The following NCOA1 variants were observed in gnomAD, a reference collection of about 807,000 sequenced individuals.
NCOA1 encodes Hin-2 protein.
NCOA1 carries 35 observed loss-of-function variants against 150.9 expected under a neutral mutation model. That is an observed-to-expected ratio of 0.23 (90% confidence interval 0.18 to 0.31). NCOA1 has a LOEUF of 0.31. Ranked by LOEUF, NCOA1 falls within the 10% of genes least tolerant of loss-of-function variation. The probability of loss-of-function intolerance (pLI) is 1.00; values close to 1 mark genes in which losing one functional copy is unlikely to be tolerated. For missense variants in NCOA1, 1,491 were observed against 1,749.3 expected (o/e 0.85, Z 2.63); for synonymous variants, 590 against 630.0 (o/e 0.94, Z 0.95).
chr2:24,645,450 C>T (rs2148465927), intron 4 of NCOA1, among the ~76,000 whole-genome samples: 1 of 146,132 alleles, frequency 6.8e-6, no homozygotes, highest in East Asian at 2.0e-4. Flanking sequence ...GCGGAGCTTG[C>T]AGTGAGCAGA....
chr2:24,631,248 T>A (rs1200345802), intron 3 of NCOA1, among the ~76,000 whole-genome samples: 2 of 152,226 alleles, frequency 1.3e-5, no homozygotes, highest in Non-Finnish European at 2.9e-5. Context: ...TTATTTATAA[T>A]GACTCACTAC....
chr2:24,709,511 T>C (rs1190073640), intron 13 of NCOA1, among the ~76,000 whole-genome samples: 1 of 152,226 alleles, frequency 6.6e-6, no homozygotes, highest in Non-Finnish European at 1.5e-5. Context: ...TTAATGTGTT[T>C]TTATTTTGCT....
chr2:24,673,364 A>C lies in NCOA1; in HGVS notation c.257-2A>C. The C allele has an allele frequency of 1.9e-6, 3 of 1,548,430 alleles. No homozygotes were observed. The highest frequency in any genetic ancestry group is 2.4e-5 in the East Asian group (1 of 42,524). ...TGATTTTTTTAAGTTTCTTTATTAT[A>C]GAGAAATCAACAACTGATGACGATG... On this transcript the variant is annotated splice_acceptor_variant, in intron 6 of 22. Coordinates refer to ENST00000348332, the MANE Select transcript of NCOA1 (RefSeq NM_003743.5). LOFTEE classifies it high-confidence loss of function.
chr2:24,677,464 C>A (rs1317555636), intron 7 of NCOA1, among the ~76,000 whole-genome samples: 1 of 152,132 alleles, frequency 6.6e-6, no homozygotes, highest in East Asian at 1.9e-4. Context: ...TGGTCTGTCA[C>A]CCAGGCTGGA....
At chr2:24,680,085 G>T (rs1672096008) in intron 7 of NCOA1, among the ~76,000 whole-genome samples, 1 of 152,062 alleles carries the variant, frequency 6.6e-6, no homozygotes, top group African/African-American at 2.4e-5. Flanking sequence ...CTCATATCTT[G>T]GCTATTGTGA....
At chr2:24,510,252 T>C (rs1478638238) in intron 1 of NCOA1, among the ~76,000 whole-genome samples, 3 of 152,226 alleles carry the variant, frequency 2.0e-5, no homozygotes, top group African/African-American at 7.2e-5. Flanking sequence ...GGTTTCACCA[T>C]GTTGGCCAGG....
chr2:24,617,636 T>C (rs1668931088), intron 3 of NCOA1, among the ~76,000 whole-genome samples: 2 of 152,166 alleles, frequency 1.3e-5, no homozygotes, highest in Admixed American at 1.3e-4. Flanking sequence ...ACTGAGTTAA[T>C]CAGCCTCTCC....
At chr2:24,585,965 G>C (rs748690896) in intron 3 of NCOA1, among the ~76,000 whole-genome samples, 14 of 151,976 alleles carry the variant, frequency 9.2e-5, no homozygotes, top group Non-Finnish European at 2.1e-4. Context: ...TTTTAATTAC[G>C]ATTGCATTGA....
chr2:24,683,279 C>A (rs1672259002), intron 8 of NCOA1, 151 bp downstream of exon 8: 2 of 460,230 alleles, frequency 4.3e-6, no homozygotes, highest in East Asian at 4.2e-5. Flanking sequence ...TGGTTTCAGT[C>A]TCAGATATAA....
At chr2:24,602,888 C>T (rs1020308995) in intron 3 of NCOA1, among the ~76,000 whole-genome samples, 9 of 152,294 alleles carry the variant, frequency 5.9e-5, no homozygotes, top group Non-Finnish European at 1.2e-4. Flanking sequence ...CTGCACTGTT[C>T]CCCAGTGTGT....
chr2:24,687,733 A>T (rs1047817714), intron 8 of NCOA1, among the ~76,000 whole-genome samples: 2 of 152,148 alleles, frequency 1.3e-5, no homozygotes, highest in Non-Finnish European at 2.9e-5. Context: ...AGCTGCCCCC[A>T]TGATCCATTC....
intron 14 of NCOA1, among the ~76,000 whole-genome samples, chr2:24,719,730 C>A (rs1224176393): frequency 6.6e-6 from 1 of 152,156 alleles, no homozygotes; most frequent in Non-Finnish European, 1.5e-5. Flanking sequence ...GATTAGGGAA[C>A]AACCAGTGCA....
intron 8 of NCOA1, among the ~76,000 whole-genome samples, chr2:24,687,030 T>C (rs1672438854): frequency 6.6e-6 from 1 of 152,108 alleles, no homozygotes; most frequent in Non-Finnish European, 1.5e-5. Flanking sequence ...GGAAGCGCCT[T>C]TCTCCTCTTC....
At chr2:24,669,672 T>A (rs1671596920) in intron 6 of NCOA1, among the ~76,000 whole-genome samples, 1 of 151,944 alleles carries the variant, frequency 6.6e-6, no homozygotes, top group South Asian at 2.1e-4. Flanking sequence ...ACCATAATAA[T>A]AAAAAGATAA....
chr2:24,758,218 A>G, intron 21 of NCOA1, 62 bp downstream of exon 21: 1 of 1,450,922 alleles, frequency 6.9e-7, no homozygotes, highest in South Asian at 1.5e-5. Context: ...GAGGAAAATC[A>G]GGTATGTTGA....
intron 14 of NCOA1, among the ~76,000 whole-genome samples, chr2:24,720,571 T>A (rs901149869): frequency 6.6e-6 from 1 of 152,024 alleles, no homozygotes; most frequent in Non-Finnish European, 1.5e-5. Flanking sequence ...AAGGTAGATA[T>A]GGGGGAGGTC....
At chr2:24,505,876 A>G (rs1663671241) in intron 1 of NCOA1, among the ~76,000 whole-genome samples, 1 of 152,182 alleles carries the variant, frequency 6.6e-6, no homozygotes, top group Non-Finnish European at 1.5e-5. Flanking sequence ...GAGTTAACGT[A>G]GAGAGTGCCT....
At chr2:24,618,446 T>C (rs1412292709) in intron 3 of NCOA1, among the ~76,000 whole-genome samples, 1 of 152,204 alleles carries the variant, frequency 6.6e-6, no homozygotes, top group Non-Finnish European at 1.5e-5. Context: ...ATGTTATTCC[T>C]TGTAACTAGT....
chr2:24,690,651 C>CAAAAAA lies in NCOA1; in HGVS notation c.533-808_533-803dup, dbSNP rs70947837. On this transcript the variant is annotated intron_variant, in intron 8 of 22. Coordinates refer to ENST00000348332, the MANE Select transcript of NCOA1 (RefSeq NM_003743.5). ...TGGGTGACAAAGTGAGATTCCATCT[C>CAAAAAA]AAAAAAAAAAAAAAAAAAAAAAAAA... Among the ~76,000 whole-genome samples the CAAAAAA allele has an allele frequency of 6.5e-4, 25 of 38,442 alleles. 1 individual carries two copies. The highest frequency in any genetic ancestry group is 4.0e-3 in the East Asian group (4 of 1,010). 25.2% of individuals were successfully genotyped at this position (38,442 alleles called of 152,430 possible).
Sources: allele counts gnomAD v4.1 joint callset (sites outside exome capture counted in the v4.1 genomes callset), GRCh38; gene constraint gnomAD v4.1.1; transcripts MANE v1.5; gene names NCBI Gene and HGNC (gene_info 2026-07-23, HGNC 2026-07-21).